The following XXYLT1 variants were observed in gnomAD, a reference collection of about 807,000 sequenced individuals.
The protein encoded by XXYLT1 is UDP-xylose:alpha-xyloside alpha-1,3-xylosyltransferase.
A neutral mutation model predicts 28.9 loss-of-function variants in XXYLT1; 20 were observed. The ratio of observed to expected loss-of-function variants is 0.69; its 90% CI spans 0.49 to 1.00. The LOEUF (loss-of-function observed/expected upper bound fraction) is 1.00. Among genes scored for constraint, XXYLT1 ranks in the 50% least tolerant of loss-of-function variants. The pLI, the probability that XXYLT1 is intolerant of heterozygous loss-of-function variation, is 0.00. For missense variants in XXYLT1, 542 were observed against 560.1 expected (o/e 0.97, Z 0.33); for synonymous variants, 257 against 253.8 (o/e 1.01, Z -0.12).
At chr3:195,144,741 C>T (rs1442651165) in intron 3 of XXYLT1, among the ~76,000 whole-genome samples, 1 of 152,126 alleles carries the variant, frequency 6.6e-6, no homozygotes, top group Non-Finnish European at 1.5e-5. Flanking sequence ...TCTACTACTC[C>T]TTTTATGCAG....
At position 195,143,786 on chromosome 3, in the gene XXYLT1, A is replaced by ATATC. The variant is rs1339792339; in HGVS notation, c.785+12662_785+12663insGATA. ...AGAGCTAACCAAATGTTCTCTCATTATATATATATATATAGATAGATATAT... is the reference window on the plus strand; with the variant it reads ...AGAGCTAACCAAATGTTCTCTCATTATATCTATATATATATATAGATAGATATAT... On this transcript the variant is annotated intron_variant, in intron 3 of 3. Transcript: ENST00000310380. Among the ~76,000 whole-genome samples the ATATC allele has an allele frequency of 9.0e-4, 108 of 120,406 alleles. 5 individuals are homozygous for ATATC. In the Admixed American group the frequency reaches 9.3e-3, roughly 10 times the overall value. 79.0% of individuals were successfully genotyped at this position (120,406 alleles called of 152,430 possible).
chr3:195,192,527 A>G (rs1722468471), intron 2 of XXYLT1, among the ~76,000 whole-genome samples: 1 of 152,266 alleles, frequency 6.6e-6, no homozygotes. Flanking sequence ...GAGCACAAGA[A>G]AACTGTAATT....
intron 3 of XXYLT1, among the ~76,000 whole-genome samples, chr3:195,149,335 C>T (rs549772015): frequency 2.0e-5 from 3 of 152,166 alleles, no homozygotes; most frequent in East Asian, 1.9e-4. Context: ...TGTTTTCATC[C>T]GATGGGGGGG....
At chr3:195,219,126 G>C (rs1027571541) in intron 2 of XXYLT1, among the ~76,000 whole-genome samples, 1 of 151,122 alleles carries the variant, frequency 6.6e-6, no homozygotes, top group African/African-American at 2.4e-5. Context: ...GAGATCACAT[G>C]GACACAGGAA....
chr3:195,135,067 G>T (rs1719122842), intron 3 of XXYLT1, among the ~76,000 whole-genome samples: 1 of 152,146 alleles, frequency 6.6e-6, no homozygotes, highest in South Asian at 2.1e-4. Flanking sequence ...ATTGTTTTAG[G>T]TTTAATAGAC....
At position 195,078,656 on chromosome 3, in the gene XXYLT1, C is replaced by T. The variant is rs553386726; in HGVS notation, c.786-8545G>A. On this transcript the variant is annotated intron_variant, in intron 3 of 3. Coordinates refer to ENST00000310380, the MANE Select transcript of XXYLT1 (RefSeq NM_152531.5). This position sits in a 1 kb window ranked among gnomAD's most constrained non-coding sequence, Gnocchi z 5.0. ...AAACACTTGGATCTGGACAGAATGA[C>T]ACCCAGACAGTACCTCAGTACCCCT... 1.3e-5 allele frequency among the ~76,000 whole-genome samples: 2 copies of T among 152,228 alleles called. No homozygotes were observed. Among genetic ancestry groups the T allele is most frequent in the South Asian group, 4.2e-4 (2 of 4,818 alleles).
chr3:195,212,898 GC>G (rs1221263900), intron 2 of XXYLT1, among the ~76,000 whole-genome samples: 1 of 152,230 alleles, frequency 6.6e-6, no homozygotes, highest in Non-Finnish European at 1.5e-5. Context: ...ATCCTCTGAA[GC>G]CACTTGTTGG....
At chr3:195,085,379 C>T (rs1430205529) in intron 3 of XXYLT1, among the ~76,000 whole-genome samples, 2 of 152,362 alleles carry the variant, frequency 1.3e-5, no homozygotes, top group Admixed American at 6.5e-5. Context: ...TCAGAAAATA[C>T]GCAACTCACC....
chr3:195,073,940 G>A (rs555941650), intron 3 of XXYLT1, among the ~76,000 whole-genome samples: 55 of 152,224 alleles, frequency 3.6e-4, no homozygotes, highest in African/African-American at 1.2e-3. Context: ...AACCAAGGCC[G>A]CTCTGCTAAG....
rs566267691 is a variant in XXYLT1, at chr3:195,077,190, G to T, written c.786-7079C>A. 1.1e-3 allele frequency among the ~76,000 whole-genome samples: 173 copies of T among 152,318 alleles called. No homozygotes were observed. The highest frequency in any genetic ancestry group is 1.7e-3 in the Non-Finnish European group (117 of 68,034). ...GCAGCCTCTGTCCAGGGAAAGGCAG[G>T]TGTCAGTGGCTGGGGAAGGGAAAAG... On this transcript the variant is annotated intron_variant, in intron 3 of 3. Transcript: ENST00000310380. The surrounding 1 kb of genome is among the most constrained non-coding windows in gnomAD (Gnocchi z 4.8).
intron 3 of XXYLT1, among the ~76,000 whole-genome samples, chr3:195,116,136 G>A (rs540983361): frequency 1.3e-5 from 2 of 152,290 alleles, no homozygotes; most frequent in South Asian, 4.1e-4. Context: ...TCTGGTAGGT[G>A]ACATGCACTA....
chr3:195,119,847 C>G (rs1368131731), intron 3 of XXYLT1, among the ~76,000 whole-genome samples: 1 of 142,920 alleles, frequency 7.0e-6, no homozygotes, highest in African/African-American at 2.6e-5. Flanking sequence ...AGAACAATAG[C>G]TGGGGAGCCT....
chr3:195,075,903 C>T (rs2642393), intron 3 of XXYLT1, among the ~76,000 whole-genome samples: 64,114 of 151,942 alleles, frequency 0.42, 17,451 homozygotes, highest in East Asian at 0.83. Flanking sequence ...CTGGGGTTGG[C>T]CCTCAGTGCT....
chr3:195,184,138 T>A (rs1311220101), intron 2 of XXYLT1, among the ~76,000 whole-genome samples: 24 of 152,144 alleles, frequency 1.6e-4, no homozygotes, highest in Admixed American at 1.6e-3. Flanking sequence ...AAGACAACCA[T>A]CAGAGCAAGA....
At chr3:195,219,262 A>T (rs562046985) in intron 2 of XXYLT1, among the ~76,000 whole-genome samples, 2 of 152,286 alleles carry the variant, frequency 1.3e-5, no homozygotes, top group South Asian at 4.2e-4. Context: ...ACATGTATAC[A>T]TATGTAACTA....
intron 2 of XXYLT1, among the ~76,000 whole-genome samples, chr3:195,203,761 T>C (rs1288096881): frequency 6.6e-6 from 1 of 152,208 alleles, no homozygotes; most frequent in African/African-American, 2.4e-5. Flanking sequence ...GGGACTGTCA[T>C]CCTCCATGCT....
At position 195,165,434 on chromosome 3, in the gene XXYLT1, C is replaced by T. The variant is rs544706014; in HGVS notation, c.653-8853G>A. 1.1e-3 allele frequency among the ~76,000 whole-genome samples: 170 copies of T among 152,258 alleles called. 1 individual carries two copies. The highest frequency in any genetic ancestry group is 3.3e-3 in the African/African-American group (138 of 41,540). ...GGAAGATGTCCACCCCCAGCCACAG[C>T]GCCTGACTTCTCCCTGGGACCATGG... On this transcript the variant is annotated intron_variant, in intron 2 of 3. Coordinates refer to ENST00000310380, the MANE Select transcript of XXYLT1 (RefSeq NM_152531.5).
intron 2 of XXYLT1, chr3:195,183,334 T>C (rs1193684776): frequency 6.6e-6 from 1 of 152,266 alleles, no homozygotes; most frequent in Non-Finnish European, 1.5e-5. Context: ...TTGATAAGCA[T>C]CTGGCATTTC....
At chr3:195,203,733 C>T (rs950494799) in intron 2 of XXYLT1, among the ~76,000 whole-genome samples, 16 of 152,176 alleles carry the variant, frequency 1.1e-4, no homozygotes, top group Non-Finnish European at 2.2e-4. Context: ...TCCTCACAGC[C>T]CCTTGGAGCA....
Sources: gnomAD v4.1 joint callset for allele counts (sites outside exome capture counted in the v4.1 genomes callset) on GRCh38, gnomAD v4.1.1 for gene constraint, Gnocchi (gnomAD v3.1) non-coding constraint, MANE v1.5 for transcripts, NCBI Gene and HGNC (gene_info 2026-07-23, HGNC 2026-07-21) for gene names.